The following TACC3 variants were observed in gnomAD, a reference collection of about 807,000 sequenced individuals.
The protein encoded by TACC3 is transforming acidic coiled-coil containing protein 3.
Under a neutral mutation model 86.0 loss-of-function variants are expected in TACC3, and 52 were observed. The ratio of observed to expected loss-of-function variants is 0.60; its 90% CI spans 0.48 to 0.76. The LOEUF (loss-of-function observed/expected upper bound fraction) is 0.76, where lower values mean the gene tolerates loss of function less well. Among genes scored for constraint, TACC3 ranks in the 30% least tolerant of loss-of-function variants. TACC3 has a pLI of 0.00. For synonymous variants in TACC3, 512 were observed against 430.0 expected (o/e 1.19, Z -2.36); for missense variants, 1,120 against 1,070.4 (o/e 1.05, Z -0.65).
At chr4:1,725,453 C>G (rs1344844911) in intron 3 of TACC3, among the ~76,000 whole-genome samples, 1 of 152,130 alleles carries the variant, frequency 6.6e-6, no homozygotes, top group Non-Finnish European at 1.5e-5. Context: ...TGTTTTTTGC[C>G]CCTTTTGAAA....
At position 1,735,734 on chromosome 4, in the gene TACC3, A is replaced by C. The variant is rs1396046378; in HGVS notation, c.1648A>C (p.Lys550Gln). The C allele has an allele frequency of 3.3e-5, 53 of 1,611,716 alleles. No homozygotes were observed. Among genetic ancestry groups the C allele is most frequent in the Non-Finnish European group, 4.5e-5 (53 of 1,178,744 alleles). Residue 550 changes from lysine (K) to glutamine (Q), a missense_variant, in exon 8 of 16, where the codon AAG (lysine) becomes CAG (glutamine). Physicochemically the swap from Lys to Gln is moderately conservative, Grantham distance 53 (BLOSUM62 1). Coordinates refer to ENST00000313288, the MANE Select transcript of TACC3 (RefSeq NM_006342.3). The surrounding 1 kb of genome is among the most constrained non-coding windows in gnomAD (Gnocchi z 4.2). ...YLEQFGTSSF[K>Q]ESALRKQSLY... ...TCACTTGCCCTCTTGTCCCCAGTTT[A>C]AGGAGTCGGCCTTGAGGAAGCAGTC...
At chr4:1,723,218 G>A (rs1717505325) in intron 1 of TACC3, 1 of 607,376 alleles carries the variant, frequency 1.6e-6, no homozygotes, top group Non-Finnish European at 2.9e-6. Flanking sequence ...CTGCCAGGCT[G>A]GAGAGTGAGT....
In TACC3 at chr4:1,744,966, C is replaced by G. The variant is rs767354262; in HGVS notation, c.2470C>G (p.Leu824Val). The change falls in exon 16 of 16, where the codon CTG (leucine) becomes GTG (valine). Residue 824 changes from leucine to valine, a missense_variant. Physicochemically the swap from Leu to Val is conservative, Grantham distance 32. Transcript: ENST00000313288. The part of the protein sequence containing the change: ...VEQKTKENEE[L>V]TRICDDLISK... ...CCTCCAGACTAAAGAGAACGAGGAGCTGACCAGGATCTGCGACGACCTCAT... is the reference window on the plus strand; with the variant it reads ...CCTCCAGACTAAAGAGAACGAGGAGGTGACCAGGATCTGCGACGACCTCAT... 6.2e-7 allele frequency: 1 copy of G among 1,611,870 alleles called. No homozygotes were observed. The highest frequency in any genetic ancestry group is 1.7e-5 in the Admixed American group (1 of 59,858).
chr4:1,735,393 C>A lies in TACC3; in HGVS notation c.1644+68C>A. On this transcript the variant is annotated intron_variant, in intron 7 of 15. Coordinates refer to ENST00000313288, the MANE Select transcript of TACC3 (RefSeq NM_006342.3). The surrounding 1 kb of genome is among the most constrained non-coding windows in gnomAD (Gnocchi z 4.2). ...CCGAGAGCAGCCACGGCAGGTCTTG[C>A]CCCCGGAGCGTCCCTTGGTGCCCAC... 2 of 1,581,822 alleles carry A rather than the reference C, an allele frequency of 1.3e-6. No homozygotes were observed. The highest frequency in any genetic ancestry group is 1.7e-4 in the Middle Eastern group (1 of 5,978).
chr4:1,741,223 C>T (rs750885952), intron 13 of TACC3: 92 of 419,482 alleles, frequency 2.2e-4, no homozygotes, highest in Non-Finnish European at 3.1e-4. Context: ...CTGAGCCGTC[C>T]GCTGTTGTGT....
At chr4:1,744,878 C>T (rs1718772932) in intron 15 of TACC3, 46 bp downstream of exon 15, 2 of 1,612,310 alleles carry the variant, frequency 1.2e-6, no homozygotes, top group African/African-American at 1.3e-5. Context: ...GCAGCACCTT[C>T]TAGAAGGCCC....
chr4:1,734,480 GC>G (rs1211136643), intron 6 of TACC3, among the ~76,000 whole-genome samples: 1 of 152,124 alleles, frequency 6.6e-6, no homozygotes, highest in Non-Finnish European at 1.5e-5. Flanking sequence ...GAGCTACTGC[GC>G]CCAGCCACAG....
At chr4:1,731,146 C>G in intron 5 of TACC3, 26 bp from the exon 6 acceptor site, 1 of 1,612,662 alleles carries the variant, frequency 6.2e-7, no homozygotes, top group Non-Finnish European at 8.5e-7. Flanking sequence ...CTGCACTGCA[C>G]AGGGTGACTC....
rs1291939482 is a variant in TACC3 at position 1,723,413 on chromosome 4, T to C, written c.-1-8T>C. 1 of 1,611,608 alleles carries C rather than the reference T, an allele frequency of 6.2e-7. No homozygotes were observed. Among genetic ancestry groups the C allele is most frequent in the Non-Finnish European group, 8.5e-7 (1 of 1,178,736 alleles). On this transcript the variant is annotated splice_region_variant and splice_polypyrimidine_tract_variant and intron_variant, in intron 1 of 15. Transcript: ENST00000313288. ...TCACACTGACACAAACATGTTCTGC[T>C]TTTCCAGAATGAGTCTGCAGGTCTT...
chr4:1,744,178 G>A (rs918496628), intron 13 of TACC3, among the ~76,000 whole-genome samples: 2 of 152,242 alleles, frequency 1.3e-5, no homozygotes, highest in East Asian at 1.9e-4. Flanking sequence ...CAGCTCCAGA[G>A]GGAGACGGGC....
Position 1,728,098 on chromosome 4 carries a change from C to T in TACC3, c.696C>T (p.Ala232=), listed in dbSNP as rs373725083. The T allele has an allele frequency of 2.3e-5, 37 of 1,612,284 alleles. No homozygotes were observed. The highest frequency in any genetic ancestry group is 4.5e-5 in the East Asian group (2 of 44,888). Residue 232 remains alanine, a synonymous_variant, in exon 4 of 16, where the codon GCC becomes GCT. Coordinates refer to ENST00000313288, the MANE Select transcript of TACC3 (RefSeq NM_006342.3). The stretch of plus-strand genomic sequence containing the variant: ...GCAAAGCGGAGACTCCGCACGGAGC[C>T]GAGGAGGAATGCCGGCACGGTGGGG... ...EECKAETPHG[A]EEECRHGGVC...
chr4:1,737,327 C>T lies in TACC3; in HGVS notation c.1835C>T (p.Pro612Leu), dbSNP rs749825910. 34 of 1,613,708 alleles carry T rather than the reference C, an allele frequency of 2.1e-5. No homozygotes were observed. Among genetic ancestry groups the T allele is most frequent in the Non-Finnish European group, 2.8e-5 (33 of 1,179,754 alleles). ...EFDFLGALDI[P>L]VPGPPPGVPA... ...GATTTCTTGGGAGCACTGGACATTC[C>T]TGTAAGTCCTTGAGTCCCTCTTGAA... Residue 612 changes from proline to leucine, a missense_variant and splice_region_variant, in exon 9 of 16, where the codon CCT becomes CTT. Transcript: ENST00000313288.
Position 1,728,001 on chromosome 4 carries a change from A to G in TACC3, c.599A>G (p.Glu200Gly), listed in dbSNP as rs749156402. 14 of 1,613,146 alleles carry G rather than the reference A, an allele frequency of 8.7e-6. No homozygotes were observed. The African/African-American group carries it at 1.2e-4, about 14-fold the overall frequency. Reference protein sequence around the residue: ...SLDRRVTPASETLEDPCRTES... With the variant: ...SLDRRVTPASGTLEDPCRTES... Reference sequence around the variant, plus strand: ...GACAGAAGAGTGACACCCGCCTCTGAGACCCTAGAAGACCCTTGCAGGACA... The same window carrying G: ...GACAGAAGAGTGACACCCGCCTCTGGGACCCTAGAAGACCCTTGCAGGACA... Residue 200 changes from glutamate (E) to glycine (G), a missense_variant, in exon 4 of 16, where the codon GAG becomes GGG. Transcript: ENST00000313288.
At chr4:1,720,799 C>G (rs1273991594), upstream of TACC3, 3 of 1,595,388 alleles carry the variant, frequency 1.9e-6, no homozygotes, top group Admixed American at 5.1e-5. This position sits in a 1 kb window ranked among gnomAD's most constrained non-coding sequence, Gnocchi z 4.4. Flanking sequence ...CGGCGAACAC[C>G]AGATAGGCGA....
At position 1,735,287 on chromosome 4, in the gene TACC3, G is replaced by A. The variant is rs757267468; in HGVS notation, c.1606G>A (p.Ala536Thr). Residue 536 changes from alanine to threonine, a missense_variant, in exon 7 of 16, where the codon GCG becomes ACG. Coordinates refer to ENST00000313288, the MANE Select transcript of TACC3 (RefSeq NM_006342.3). The surrounding 1 kb of genome is among the most constrained non-coding windows in gnomAD (Gnocchi z 4.2). ...ACTCCTCTCAGTTCTAGGCACGGGC[G>A]CGGAGGTGGATTACCTGGAGCAGTT... ...RDPAEVLGTG[A>T]EVDYLEQFGT... is the part of the protein sequence containing the mutation. 14 of 1,613,922 alleles carry A rather than the reference G, an allele frequency of 8.7e-6. No individual in the cohort carries two copies. The highest frequency in any genetic ancestry group is 1.6e-4 in the Middle Eastern group (1 of 6,084).
intron 6 of TACC3, among the ~76,000 whole-genome samples, chr4:1,731,639 C>T (rs1718013600): frequency 6.6e-6 from 1 of 152,138 alleles, no homozygotes. Context: ...CTTGAAACGA[C>T]CTTCTTTTTT....
At chr4:1,720,789 C>A, upstream of TACC3, 1 of 1,595,294 alleles carries the variant, frequency 6.3e-7, no homozygotes. This position sits in a 1 kb window ranked among gnomAD's most constrained non-coding sequence, Gnocchi z 4.4. Context: ...ACGAAGCACA[C>A]GGCGAACACC....
At chr4:1,742,394 T>A (rs1560327136) in intron 13 of TACC3, among the ~76,000 whole-genome samples, 1 of 152,232 alleles carries the variant, frequency 6.6e-6, no homozygotes, top group Admixed American at 6.5e-5. Flanking sequence ...GGGGCAGGCC[T>A]GTGCCTCAGC....
chr4:1,737,360 G>A (rs747041242), intron 9 of TACC3, 32 bp downstream of exon 9: 3 of 1,591,272 alleles, frequency 1.9e-6, no homozygotes, highest in East Asian at 4.5e-5. Flanking sequence ...GAACTGTCTT[G>A]TGTGTGGTCT....
Sources: allele counts gnomAD v4.1 joint callset (sites outside exome capture counted in the v4.1 genomes callset), GRCh38; gene constraint gnomAD v4.1.1; non-coding constraint Gnocchi (gnomAD v3.1); transcripts MANE v1.5; gene names NCBI Gene and HGNC (gene_info 2026-07-23, HGNC 2026-07-21).